MORC1: variants seen among roughly 807,000 people sequenced by gnomAD.
MORC1 encodes MORC family CW-type zinc finger protein 1.
MORC1 carries 59 observed loss-of-function variants against 134.9 expected under a neutral mutation model. That is an observed-to-expected ratio of 0.44 (90% confidence interval 0.35 to 0.54). The LOEUF is 0.54. Ranked by LOEUF, MORC1 falls within the 20% of genes least tolerant of loss-of-function variation. The pLI, the probability that MORC1 is intolerant of heterozygous loss-of-function variation, is 0.00. For missense variants in MORC1, 947 were observed against 1,134.5 expected (o/e 0.83, Z 2.37); for synonymous variants, 395 against 391.7 (o/e 1.01, Z -0.10).
intron 14 of MORC1, among the ~76,000 whole-genome samples, chr3:109,048,532 A>C (rs2044592): frequency 0.14 from 20,990 of 152,050 alleles, 1,864 homozygotes; most frequent in Admixed American, 0.2. Context: ...TAATTTTGAA[A>C]TCTCCCATAT....
intron 8 of MORC1, among the ~76,000 whole-genome samples, chr3:109,090,641 A>AAC (rs1950701412): frequency 6.6e-5 from 10 of 151,120 alleles, no homozygotes; most frequent in Non-Finnish European, 1.3e-4. Context: ...AAAAAAAAAA[A>AAC]ACACGATGTC....
intron 8 of MORC1, among the ~76,000 whole-genome samples, chr3:109,070,600 C>G (rs1378665708): frequency 1.3e-5 from 2 of 151,754 alleles, no homozygotes; most frequent in Non-Finnish European, 2.9e-5. Context: ...TCCACAAGGT[C>G]AAATGGAAAG....
At chr3:108,992,691 A>G (rs1452496260) in intron 21 of MORC1, among the ~76,000 whole-genome samples, 1 of 152,188 alleles carries the variant, frequency 6.6e-6, no homozygotes, top group African/African-American at 2.4e-5. Context: ...CAACTAAATA[A>G]TTTTAACTTC....
intron 6 of MORC1, among the ~76,000 whole-genome samples, chr3:109,098,151 T>G (rs1184244908): frequency 6.6e-6 from 1 of 152,096 alleles, no homozygotes; most frequent in Non-Finnish European, 1.5e-5. Flanking sequence ...GCTCAAGTGA[T>G]CCTCCCTCTT....
rs140613263 is a variant in MORC1 at position 109,005,894 on chromosome 3, T to G, written c.1768-579A>C. 6.0e-3 allele frequency among the ~76,000 whole-genome samples: 910 copies of G among 152,234 alleles called. 5 individuals are homozygous for G. The highest frequency in any genetic ancestry group is 0.021 in the African/African-American group (864 of 41,534). On this transcript the variant is annotated intron_variant, in intron 18 of 27. Transcript: ENST00000232603. Reference sequence around the variant, plus strand: ...TTAGTGTCCACTAGTCAAGTAACCCTCTCCGCAACAGTGCTGAGGGCTCAA... The same window carrying G: ...TTAGTGTCCACTAGTCAAGTAACCCGCTCCGCAACAGTGCTGAGGGCTCAA...
At chr3:109,115,300 A>G (rs2107811735) in intron 1 of MORC1, among the ~76,000 whole-genome samples, 1 of 150,832 alleles carries the variant, frequency 6.6e-6, no homozygotes, top group African/African-American at 2.4e-5. Context: ...GCCACAGGAC[A>G]ACACTTTAGT....
In MORC1 at chr3:109,044,339, G is replaced by A. The variant is rs903320538; in HGVS notation, c.1331-8871C>T. Among the ~76,000 whole-genome samples, 48 of 150,666 alleles carry A rather than the reference G, an allele frequency of 3.2e-4. 1 individual carries two copies. In the East Asian group the frequency reaches 8.6e-3, roughly 27 times the overall value. Reference sequence around the variant, plus strand: ...TTTGGGAGGCTGAGGCGGGCGGATCGCGAGGTCAGGAGATCCAGACCATCC... The same window carrying A: ...TTTGGGAGGCTGAGGCGGGCGGATCACGAGGTCAGGAGATCCAGACCATCC... On this transcript the variant is annotated intron_variant, in intron 14 of 27. Transcript: ENST00000232603.
chr3:109,027,634 G>C lies in MORC1; in HGVS notation c.1704+117C>G, dbSNP rs1299474895. 3 of 1,351,846 alleles carry C rather than the reference G, an allele frequency of 2.2e-6. No individual in the cohort carries two copies. In the Admixed American group the frequency reaches 6.0e-5, roughly 27 times the overall value. The allele number at this position is 1,351,846 out of a possible 1,614,324, so 83.7% of individuals were successfully genotyped here. A position where few individuals can be genotyped will look rare whatever the true frequency, so the allele number is the denominator to read the frequency against. ...ATCCAAAATTAAAAGATGTCAAAAA[G>C]GACAGGAAAAAGATTATACACATTT... On this transcript the variant is annotated intron_variant, in intron 17 of 27. Transcript: ENST00000232603.
chr3:108,971,666 A>G (rs1489961399), intron 24 of MORC1, among the ~76,000 whole-genome samples: 1 of 152,172 alleles, frequency 6.6e-6, no homozygotes, highest in East Asian at 1.9e-4. Flanking sequence ...TGACTGCATC[A>G]ATGTCAATAT....
intron 26 of MORC1, 56 bp downstream of exon 26, chr3:108,969,613 C>T (rs184412188): frequency 2.0e-6 from 3 of 1,503,808 alleles, no homozygotes; most frequent in African/African-American, 1.4e-5. Context: ...CATTATTTAT[C>T]CTTTCGAACA....
At chr3:109,038,619 G>T (rs1379276793) in intron 14 of MORC1, among the ~76,000 whole-genome samples, 1 of 152,116 alleles carries the variant, frequency 6.6e-6, no homozygotes, top group Non-Finnish European at 1.5e-5. Context: ...TTTGTAAAGG[G>T]TGTAAGGAAG....
intron 17 of MORC1, among the ~76,000 whole-genome samples, chr3:109,021,001 C>A (rs1278490785): frequency 6.6e-6 from 1 of 152,068 alleles, no homozygotes; most frequent in Non-Finnish European, 1.5e-5. Context: ...TTGGGTCAAG[C>A]AAATTGAAAA....
intron 5 of MORC1, 86 bp downstream of exon 5, chr3:109,100,331 A>C (rs1321989066): frequency 2.9e-6 from 3 of 1,050,270 alleles, no homozygotes; most frequent in Admixed American, 1.8e-5. Flanking sequence ...AAAGCTTTAC[A>C]TGCCTGCATC....
chr3:109,045,702 C>T (rs1949679962), intron 14 of MORC1, among the ~76,000 whole-genome samples: 1 of 152,130 alleles, frequency 6.6e-6, no homozygotes, highest in African/African-American at 2.4e-5. Flanking sequence ...TCTCTTGGCT[C>T]CTGGGTATGG....
At chr3:108,974,050 C>T (rs112538003) in intron 24 of MORC1, among the ~76,000 whole-genome samples, 3 of 152,114 alleles carry the variant, frequency 2.0e-5, no homozygotes, top group Non-Finnish European at 2.9e-5. Flanking sequence ...CCCACCCCCC[C>T]ACCAGGCCCA....
In MORC1 at chr3:109,009,446, C is replaced by T. The variant is rs192538845; in HGVS notation, c.1705-2355G>A. Among the ~76,000 whole-genome samples, 286 of 152,180 alleles carry T rather than the reference C, an allele frequency of 1.9e-3. 3 individuals are homozygous for T. The highest frequency in any genetic ancestry group is 6.1e-3 in the African/African-American group (253 of 41,540). On this transcript the variant is annotated intron_variant, in intron 17 of 27. Transcript: ENST00000232603. ...GTCTCCATCTCTTGACCTCATGATC[C>T]GCCCACCTCAGCCTCCCAAAGTGCT...
chr3:108,975,138 G>A (rs184120806), intron 24 of MORC1, among the ~76,000 whole-genome samples: 94 of 152,280 alleles, frequency 6.2e-4, no homozygotes, highest in Middle Eastern at 3.4e-3. Flanking sequence ...AGAGTTACCT[G>A]GTCATCCAGC....
chr3:109,040,480 GA>G (rs1949507592), intron 14 of MORC1, among the ~76,000 whole-genome samples: 3 of 145,202 alleles, frequency 2.1e-5, no homozygotes, highest in South Asian at 2.2e-4. Context: ...AAGAAAGAAA[GA>G]AAGAAAGGAA....
intron 1 of MORC1, among the ~76,000 whole-genome samples, chr3:109,117,623 T>G (rs142620841): frequency 3.9e-5 from 6 of 152,312 alleles, no homozygotes; most frequent in African/African-American, 1.4e-4. Flanking sequence ...TTGAAATCAA[T>G]ATATGCAAAT....
Sources: allele counts gnomAD v4.1 joint callset (sites outside exome capture counted in the v4.1 genomes callset), GRCh38; gene constraint gnomAD v4.1.1; transcripts MANE v1.5; gene names NCBI Gene and HGNC (gene_info 2026-07-23, HGNC 2026-07-21).